The following COL25A1 variants were observed in gnomAD, a reference collection of about 807,000 sequenced individuals.
The protein encoded by COL25A1 is collagen alpha-1(XXV) chain.
COL25A1 carries 103 observed loss-of-function variants against 128.4 expected under a neutral mutation model. The ratio of observed to expected loss-of-function variants is 0.80; its 90% confidence interval spans 0.68 to 0.94. COL25A1 has a LOEUF of 0.94. COL25A1 is among the 40% of genes least tolerant of loss of function. COL25A1 has a pLI of 0.00. For synonymous variants in COL25A1, 279 were observed against 277.2 expected (o/e 1.01, Z -0.06); for missense variants, 745 against 840.0 (o/e 0.89, Z 1.40).
At chr4:109,015,998 TC>T (rs1274969156) in intron 5 of COL25A1, among the ~76,000 whole-genome samples, 1 of 152,152 alleles carries the variant, frequency 6.6e-6, no homozygotes, top group African/African-American at 2.4e-5. Flanking sequence ...AGAGGCAGGA[TC>T]CCTGCCCCCT....
chr4:109,251,457 G>A (rs905850884), intron 3 of COL25A1, among the ~76,000 whole-genome samples: 3 of 152,132 alleles, frequency 2.0e-5, no homozygotes, highest in South Asian at 2.1e-4. Flanking sequence ...TAAGAGACAC[G>A]CTAGGAGATC....
At chr4:109,098,779 A>G (rs1765632436) in intron 3 of COL25A1, among the ~76,000 whole-genome samples, 1 of 152,196 alleles carries the variant, frequency 6.6e-6, no homozygotes, top group Admixed American at 6.5e-5. Flanking sequence ...TCCCCAATCT[A>G]CTTTAAGCAC....
chr4:108,972,985 A>T (rs1302489202), intron 8 of COL25A1, among the ~76,000 whole-genome samples: 1 of 152,180 alleles, frequency 6.6e-6, no homozygotes, highest in Non-Finnish European at 1.5e-5. Flanking sequence ...CTGCATGCAT[A>T]CTGATGACAG....
chr4:109,000,484 G>T (rs762629301), intron 6 of COL25A1, among the ~76,000 whole-genome samples: 8 of 152,144 alleles, frequency 5.3e-5, no homozygotes, highest in Non-Finnish European at 7.3e-5. Context: ...GGTGGCTCAT[G>T]CCTGTAATCC....
chr4:109,237,532 G>A (rs755488013), intron 3 of COL25A1, among the ~76,000 whole-genome samples: 15 of 151,196 alleles, frequency 9.9e-5, no homozygotes, highest in East Asian at 3.9e-4. Flanking sequence ...GAGAGTTGCC[G>A]TAAGGGTTAT....
chr4:109,110,337 A>G (rs1766882975), intron 3 of COL25A1, among the ~76,000 whole-genome samples: 1 of 151,976 alleles, frequency 6.6e-6, no homozygotes, highest in African/African-American at 2.4e-5. Context: ...TCTCCTTGAA[A>G]CTTCTTTCCT....
Position 108,810,885 on chromosome 4 carries a change from T to C in COL25A1, c.*3042A>G, listed in dbSNP as rs1289618579. 1.3e-5 allele frequency: 2 copies of C among 152,042 alleles called. No homozygotes were observed. The highest frequency in any genetic ancestry group is 2.4e-5 in the African/African-American group (1 of 41,446). 9.4% of individuals were successfully genotyped at this position (152,042 alleles called of 1,614,324 possible). A position where few individuals can be genotyped will look rare whatever the true frequency, so the allele number is the denominator to read the frequency against. ...AGGGAAATAAAATTATCCATAGTAG[T>C]TGTATTGTCCATAGAGAAAAAGGAA... On this transcript the variant is annotated 3_prime_UTR_variant, in exon 38 of 38. Coordinates refer to ENST00000399132, the MANE Select transcript of COL25A1 (RefSeq NM_198721.4).
chr4:109,268,878 T>C (rs112118548), intron 3 of COL25A1, among the ~76,000 whole-genome samples: 1 of 152,082 alleles, frequency 6.6e-6, no homozygotes, highest in African/African-American at 2.4e-5. Flanking sequence ...CCCTCCGTCA[T>C]GGTTACCTCA....
intron 3 of COL25A1, among the ~76,000 whole-genome samples, chr4:109,169,752 G>A (rs1773418445): frequency 6.6e-6 from 1 of 151,982 alleles, no homozygotes. Flanking sequence ...TTTACTTAAA[G>A]TCACAGGAAT....
At chr4:109,022,215 T>A (rs866356470) in intron 5 of COL25A1, 1 of 453,322 alleles carries the variant, frequency 2.2e-6, no homozygotes. Flanking sequence ...AAAATTCCTC[T>A]CTTTGTGCTC....
chr4:109,236,952 A>C (rs576590129), intron 3 of COL25A1, among the ~76,000 whole-genome samples: 26 of 152,220 alleles, frequency 1.7e-4, no homozygotes, highest in African/African-American at 5.8e-4. Context: ...ATTGTTATAC[A>C]GTTTCACATT....
intron 3 of COL25A1, among the ~76,000 whole-genome samples, chr4:109,254,360 T>C (rs545652257): frequency 6.7e-6 from 1 of 150,032 alleles, no homozygotes; most frequent in South Asian, 2.1e-4. Context: ...GAAGGGGGTT[T>C]AAATCACTTA....
intron 3 of COL25A1, among the ~76,000 whole-genome samples, chr4:109,256,059 A>T (rs1781059540): frequency 6.8e-6 from 1 of 147,922 alleles, no homozygotes; most frequent in Admixed American, 6.7e-5. Flanking sequence ...GAGAAACTAC[A>T]TGTGGATATT....
intron 32 of COL25A1, among the ~76,000 whole-genome samples, chr4:108,829,831 TG>T (rs1222160114): frequency 2.0e-5 from 3 of 151,992 alleles, no homozygotes; most frequent in African/African-American, 7.2e-5. Flanking sequence ...GCAAATGAGG[TG>T]TCAGGGGCAT....
At chr4:109,137,078 A>G (rs1459944114) in intron 3 of COL25A1, among the ~76,000 whole-genome samples, 1 of 152,222 alleles carries the variant, frequency 6.6e-6, no homozygotes, top group Non-Finnish European at 1.5e-5. Context: ...AGAAACTGTG[A>G]GGTAATAAAT....
At chr4:109,236,483 C>T (rs1000241604) in intron 3 of COL25A1, among the ~76,000 whole-genome samples, 1 of 152,034 alleles carries the variant, frequency 6.6e-6, no homozygotes, top group African/African-American at 2.4e-5. Context: ...TTCTTAAAAG[C>T]TCTCATAAAA....
chr4:109,135,916 C>T (rs17039914), intron 3 of COL25A1, among the ~76,000 whole-genome samples: 11,500 of 152,172 alleles, frequency 0.076, 863 homozygotes, highest in African/African-American at 0.19. Context: ...ACAGACTATA[C>T]GCAGCCTAGA....
intron 3 of COL25A1, among the ~76,000 whole-genome samples, chr4:109,164,257 G>A (rs984874917): frequency 6.6e-6 from 1 of 152,112 alleles, no homozygotes; most frequent in Non-Finnish European, 1.5e-5. Flanking sequence ...TGCTTGATAA[G>A]AGAGGAAGAC....
chr4:109,076,338 G>A (rs769302468), intron 3 of COL25A1, among the ~76,000 whole-genome samples: 3 of 152,100 alleles, frequency 2.0e-5, no homozygotes, highest in Admixed American at 6.5e-5. Flanking sequence ...CTCTTTAAGA[G>A]GGAATTTGTT....
Sources: allele counts gnomAD v4.1 joint callset (sites outside exome capture counted in the v4.1 genomes callset), GRCh38; gene constraint gnomAD v4.1.1; transcripts MANE v1.5; gene names NCBI Gene and HGNC (gene_info 2026-07-23, HGNC 2026-07-21).